The following COQ4 variants were observed in gnomAD, a reference collection of about 807,000 sequenced individuals.
The protein encoded by COQ4 is ubiquinone biosynthesis protein COQ4 homolog, mitochondrial.
A neutral mutation model predicts 30.2 loss-of-function variants in COQ4; 36 were observed. The observed-to-expected ratio is 1.19, with a 90% CI of 0.91 to 1.57. The LOEUF is 1.57. Ranked by LOEUF, COQ4 falls within the 40% of genes most tolerant of loss-of-function variation. COQ4 has a pLI of 0.00. For missense variants in COQ4, 369 were observed against 371.9 expected, an observed-to-expected ratio of 0.99 and a Z score of 0.07; for synonymous variants, 197 against 161.0, an observed-to-expected ratio of 1.22 and a Z score of -1.69.
intron 4 of COQ4, among the ~76,000 whole-genome samples, chr9:128,327,003 C>A (rs1176780103): frequency 1.3e-5 from 2 of 152,094 alleles, no homozygotes; most frequent in Non-Finnish European, 2.9e-5. Flanking sequence ...CTGCCTCAGC[C>A]TCCCAAAATG....
At chr9:128,329,822 T>C (rs1382846786) in intron 4 of COQ4, among the ~76,000 whole-genome samples, 1 of 152,194 alleles carries the variant, frequency 6.6e-6, no homozygotes, top group Non-Finnish European at 1.5e-5. Context: ...GCTAAGGCCA[T>C]TCTTTGGGAA....
At chr9:128,333,123 T>A (rs1832442694) in intron 6 of COQ4, among the ~76,000 whole-genome samples, 180 bp downstream of exon 6, 1 of 151,966 alleles carries the variant, frequency 6.6e-6, no homozygotes, top group South Asian at 2.1e-4. Context: ...GGGGCAAGGG[T>A]CTTCAAGTGA....
At chr9:128,330,206 T>TAA (rs764453336) in intron 4 of COQ4, among the ~76,000 whole-genome samples, 17 of 126,866 alleles carry the variant, frequency 1.3e-4, no homozygotes, top group South Asian at 7.6e-4. Context: ...CTGTCTCTAC[T>TAA]AAAAAAAAAA....
chr9:128,323,252 G>C, intron 2 of COQ4, 105 bp downstream of exon 2: 1 of 1,106,644 alleles, frequency 9.0e-7, no homozygotes, highest in Non-Finnish European at 1.2e-6. Context: ...GTTGCAGCTC[G>C]TAACCACTCG....
chr9:128,328,763 T>A (rs1477026954), intron 4 of COQ4, among the ~76,000 whole-genome samples: 1 of 152,190 alleles, frequency 6.6e-6, no homozygotes, highest in East Asian at 1.9e-4. Flanking sequence ...AGTCATTTCA[T>A]CAGTGGGAAA....
chr9:128,324,973 C>T (rs936310867), intron 2 of COQ4, among the ~76,000 whole-genome samples, 170 bp from the exon 3 acceptor site: 2 of 152,260 alleles, frequency 1.3e-5, no homozygotes, highest in Non-Finnish European at 2.9e-5. Flanking sequence ...GATATGTATA[C>T]TGATCCCTTG....
chr9:128,329,704 G>C (rs373264062), intron 4 of COQ4, among the ~76,000 whole-genome samples: 1 of 152,152 alleles, frequency 6.6e-6, no homozygotes, highest in East Asian at 1.9e-4. Context: ...AGTAATAACA[G>C]TATTTACCTC....
intron 3 of COQ4, 55 bp downstream of exon 3, chr9:128,325,294 C>T: frequency 2.5e-6 from 3 of 1,207,850 alleles, no homozygotes; most frequent in African/African-American, 1.5e-5. Flanking sequence ...ATTCTGACCT[C>T]TCTAGAATCA....
In COQ4 at chr9:128,325,171, A is replaced by G. The variant is rs765150845; in HGVS notation, c.231A>G (p.Thr77=). The G allele has an allele frequency of 4.3e-6, 7 of 1,613,984 alleles. No individual in the cohort carries two copies. The South Asian group carries it at 5.5e-5, about 13-fold the overall frequency. Residue 77 remains threonine (T), a synonymous_variant, in exon 3 of 7, where the codon ACA becomes ACG. Coordinates refer to ENST00000300452, the MANE Select transcript of COQ4 (RefSeq NM_016035.5). The stretch of plus-strand genomic sequence containing the variant: ...TGGTCGCAGTTCTAGGGGAGACCAC[A>G]GGACACCGCACCCTGAAGGTCCTCA... ...HDMVAVLGET[T]GHRTLKVLRD...
At position 128,325,882 on chromosome 9, in the gene COQ4, G is replaced by A. The variant is rs747779231; in HGVS notation, c.402+1G>A. 1.9e-5 allele frequency: 30 copies of A among 1,613,326 alleles called. No individual in the cohort carries two copies. The highest frequency in any genetic ancestry group is 1.1e-4 in the East Asian group (5 of 44,888). On this transcript the variant is annotated splice_donor_variant, in intron 4 of 6. Transcript: ENST00000300452. LOFTEE classifies it high-confidence loss of function. ...GTATCTCCGTTTCCTGGATGTGAAC[G>A]TGAGTTTTCAGCTCCTGTGTATCTG...
intron 5 of COQ4, 38 bp downstream of exon 5, chr9:128,332,320 G>A (rs1832428429): frequency 6.2e-7 from 1 of 1,606,776 alleles, no homozygotes; most frequent in Non-Finnish European, 8.5e-7. Context: ...TCTCCCTGGG[G>A]TGGCTTCAGG....
At chr9:128,327,972 G>C (rs1235369775) in intron 4 of COQ4, among the ~76,000 whole-genome samples, 9 of 152,370 alleles carry the variant, frequency 5.9e-5, no homozygotes, top group Non-Finnish European at 1.2e-4. Flanking sequence ...CTTCTGACTG[G>C]GTGGTCAGGG....
At chr9:128,324,840 G>A (rs1463672034) in intron 2 of COQ4, among the ~76,000 whole-genome samples, 1 of 152,228 alleles carries the variant, frequency 6.6e-6, no homozygotes, top group Non-Finnish European at 1.5e-5. Context: ...CATCTCTGAT[G>A]CCTAAGCCTC....
Position 128,323,155 on chromosome 9 carries a change from C to A in COQ4, c.202+8C>A, listed in dbSNP as rs771115922. Reference sequence around the variant, plus strand: ...ATAACCCCTACCGCCACGGTAAGGCCGCCCGCGCCTCGCCCCCGTGGGGGC... The same window carrying A: ...ATAACCCCTACCGCCACGGTAAGGCAGCCCGCGCCTCGCCCCCGTGGGGGC... On this transcript the variant is annotated splice_region_variant and intron_variant, in intron 2 of 6. Coordinates refer to ENST00000300452, the MANE Select transcript of COQ4 (RefSeq NM_016035.5). 3.0e-5 allele frequency: 47 copies of A among 1,580,164 alleles called. No individual in the cohort carries two copies. Among genetic ancestry groups the A allele is most frequent in the Admixed American group, 2.1e-4 (11 of 53,548 alleles).
At chr9:128,324,679 G>A (rs1332549668) in intron 2 of COQ4, among the ~76,000 whole-genome samples, 1 of 151,896 alleles carries the variant, frequency 6.6e-6, no homozygotes, top group Non-Finnish European at 1.5e-5. Flanking sequence ...CTGCATGCCT[G>A]TAGTCCTAGC....
Position 128,330,089 on chromosome 9 carries a change from G to A in COQ4, c.403-2064G>A, listed in dbSNP as rs1356022572. The stretch of plus-strand genomic sequence containing the variant: ...CTGTCCATAAAAATAAAATGTGATC[G>A]GCTGGGCACGGTGGCTCACAACTGT... On this transcript the variant is annotated intron_variant, in intron 4 of 6. Coordinates refer to ENST00000300452, the MANE Select transcript of COQ4 (RefSeq NM_016035.5). Among the ~76,000 whole-genome samples, 5 of 152,190 alleles carry A rather than the reference G, an allele frequency of 3.3e-5. No homozygotes were observed. The South Asian group carries it at 6.2e-4, about 19-fold the overall frequency.
chr9:128,333,626 A>G lies in COQ4; in HGVS notation c.779A>G (p.His260Arg), dbSNP rs756399844. 1.3e-6 allele frequency: 2 copies of G among 1,578,938 alleles called. No homozygotes were observed. The highest frequency in any genetic ancestry group is 2.3e-5 in the South Asian group (2 of 85,406). Residue 260 changes from histidine (H) to arginine (R), a missense_variant, in exon 7 of 7, where the codon CAC becomes CGC. Physicochemically the swap from His to Arg is conservative, Grantham distance 29. Transcript: ENST00000300452. ...CTGGGCATTACAGCACCACCCATGC[A>G]CGTCCAGGGCTTGGCCTGAGCTCCT... ...EELGITAPPM[H>R]VQGLA
intron 2 of COQ4, 77 bp from the exon 3 acceptor site, chr9:128,325,066 G>T: frequency 1.0e-6 from 1 of 996,274 alleles, no homozygotes. Context: ...TATCCTGTAG[G>T]AAACAAAGGC....
Position 128,322,975 on chromosome 9 carries a change from C to T in COQ4, c.71-41C>T, listed in dbSNP as rs749177683. On this transcript the variant is annotated intron_variant, in intron 1 of 6. Transcript: ENST00000300452. Reference sequence around the variant, plus strand: ...GCGCAGGCGGGAAGGAGCCTGAGGGCGCCCGGCTCCTCTGACCTCGGCCTT... The same window carrying T: ...GCGCAGGCGGGAAGGAGCCTGAGGGTGCCCGGCTCCTCTGACCTCGGCCTT... 3.5e-5 allele frequency: 57 copies of T among 1,606,474 alleles called. No homozygotes were observed. The African/African-American group carries it at 6.7e-4, about 19-fold the overall frequency.
Sources: gnomAD v4.1 joint callset for allele counts (sites outside exome capture counted in the v4.1 genomes callset) on GRCh38, gnomAD v4.1.1 for gene constraint, MANE v1.5 for transcripts, NCBI Gene and HGNC (gene_info 2026-07-23, HGNC 2026-07-21) for gene names.